ATF7IP: variants seen among roughly 807,000 people sequenced by gnomAD.
The protein encoded by ATF7IP is activating transcription factor 7-interacting protein 1.
ATF7IP carries 23 observed loss-of-function variants against 106.4 expected under a neutral mutation model. The observed-to-expected ratio is 0.22, with a 90% CI of 0.16 to 0.31. ATF7IP has a LOEUF of 0.31. Among genes scored for constraint, ATF7IP ranks in the 10% least tolerant of loss-of-function variants. The pLI, the probability that ATF7IP is intolerant of heterozygous loss-of-function variation, is 1.00. For synonymous variants in ATF7IP, 542 were observed against 539.0 expected, an observed-to-expected ratio of 1.01 and a Z score of -0.08; for missense variants, 1,334 against 1,524.3, an observed-to-expected ratio of 0.88 and a Z score of 2.08.
intron 1 of ATF7IP, among the ~76,000 whole-genome samples, chr12:14,373,300 T>C (rs1217972670): frequency 8.0e-6 from 1 of 124,396 alleles, no homozygotes; most frequent in African/African-American, 2.6e-5. Flanking sequence ...TGTTTAAAGA[T>C]GACACATGTT....
chr12:14,423,390 T>A (rs1941638699), intron 1 of ATF7IP, among the ~76,000 whole-genome samples: 1 of 152,044 alleles, frequency 6.6e-6, no homozygotes, highest in Non-Finnish European at 1.5e-5. Context: ...GTGAATTTTC[T>A]TTCTTGATGG....
intron 1 of ATF7IP, among the ~76,000 whole-genome samples, chr12:14,368,273 A>G (rs1314168506): frequency 1.3e-5 from 2 of 152,078 alleles, no homozygotes; most frequent in Non-Finnish European, 2.9e-5. Flanking sequence ...CATTGGTACC[A>G]TAATTTCATT....
At chr12:14,383,354 C>T (rs747694848) in intron 1 of ATF7IP, among the ~76,000 whole-genome samples, 6 of 152,102 alleles carry the variant, frequency 3.9e-5, no homozygotes, top group Non-Finnish European at 8.8e-5. Flanking sequence ...CAGTGTGTTC[C>T]ATAATTTAAA....
chr12:14,497,633 C>T, intron 14 of ATF7IP, 21 bp from the exon 15 acceptor site: 1 of 1,591,414 alleles, frequency 6.3e-7, no homozygotes, highest in Non-Finnish European at 8.6e-7. Flanking sequence ...CATCATTAAT[C>T]AGTGTGACCT....
intron 6 of ATF7IP, among the ~76,000 whole-genome samples, chr12:14,454,172 C>T (rs1943328345): frequency 6.6e-6 from 1 of 152,062 alleles, no homozygotes; most frequent in Non-Finnish European, 1.5e-5. Flanking sequence ...CCTCTAACAC[C>T]TTTTTTTGGC....
intron 6 of ATF7IP, among the ~76,000 whole-genome samples, chr12:14,454,833 CTT>C (rs1267167037): frequency 6.6e-6 from 1 of 152,102 alleles, no homozygotes; most frequent in Non-Finnish European, 1.5e-5. Context: ...TTTTATTCTT[CTT>C]GTTTTTCTCC....
chr12:14,486,673 C>G (rs1944627913), intron 13 of ATF7IP, among the ~76,000 whole-genome samples: 1 of 152,198 alleles, frequency 6.6e-6, no homozygotes. Flanking sequence ...GAGCTCTATA[C>G]AAGTCGGACT....
At chr12:14,449,644 T>C (rs1448480536) in intron 6 of ATF7IP, among the ~76,000 whole-genome samples, 1 of 146,562 alleles carries the variant, frequency 6.8e-6, no homozygotes, top group Admixed American at 7.1e-5. Flanking sequence ...CCTCCAACTT[T>C]GTTCTTTTCA....
intron 1 of ATF7IP, among the ~76,000 whole-genome samples, chr12:14,388,806 A>T (rs185763859): frequency 6.6e-6 from 1 of 152,090 alleles, no homozygotes; most frequent in Non-Finnish European, 1.5e-5. Context: ...CACCAAGCTA[A>T]TTTTTGTGTT....
intron 13 of ATF7IP, among the ~76,000 whole-genome samples, chr12:14,491,151 C>G (rs1944807391): frequency 6.6e-6 from 1 of 152,166 alleles, no homozygotes; most frequent in Non-Finnish European, 1.5e-5. Flanking sequence ...AGTGGCAGAA[C>G]AGCTTGCCCA....
chr12:14,405,048 C>A (rs1940482797), intron 1 of ATF7IP, among the ~76,000 whole-genome samples: 1 of 152,016 alleles, frequency 6.6e-6, no homozygotes, highest in Admixed American at 6.6e-5. Flanking sequence ...CAGACATTTG[C>A]CAGAAACAAG....
intron 2 of ATF7IP, among the ~76,000 whole-genome samples, chr12:14,426,375 T>A (rs576920608): frequency 6.6e-6 from 1 of 152,066 alleles, no homozygotes; most frequent in Admixed American, 6.5e-5. Context: ...GATTTAGACA[T>A]CTCTGAGAGA....
At chr12:14,393,709 ACTT>A (rs1939696165) in intron 1 of ATF7IP, among the ~76,000 whole-genome samples, 1 of 152,142 alleles carries the variant, frequency 6.6e-6, no homozygotes, top group Admixed American at 6.5e-5. Flanking sequence ...CATTTTAAGT[ACTT>A]CTTTTCATTT....
intron 1 of ATF7IP, chr12:14,420,000 A>G (rs925486255): frequency 2.0e-5 from 3 of 152,242 alleles, no homozygotes; most frequent in Non-Finnish European, 2.9e-5. Flanking sequence ...GCTTCCAGCA[A>G]GTAGGCTAGG....
intron 13 of ATF7IP, among the ~76,000 whole-genome samples, chr12:14,484,497 G>T (rs911701611): frequency 3.3e-5 from 5 of 152,216 alleles, no homozygotes; most frequent in Non-Finnish European, 2.9e-5. Context: ...GCACAACTAG[G>T]TGTGCTGCTT....
At chr12:14,437,803 C>T (rs547233281) in intron 4 of ATF7IP, among the ~76,000 whole-genome samples, 1 of 152,260 alleles carries the variant, frequency 6.6e-6, no homozygotes, top group East Asian at 1.9e-4. Flanking sequence ...CCTGTAATCC[C>T]AGCACTTTGG....
At chr12:14,455,496 A>G (rs938425482) in intron 6 of ATF7IP, among the ~76,000 whole-genome samples, 1 of 152,188 alleles carries the variant, frequency 6.6e-6, no homozygotes, top group Non-Finnish European at 1.5e-5. Context: ...CATCTGCTCA[A>G]TGTAATTCTA....
At chr12:14,484,030 G>C (rs564453858) in intron 13 of ATF7IP, among the ~76,000 whole-genome samples, 156 of 152,230 alleles carry the variant, frequency 1.0e-3, no homozygotes, top group African/African-American at 3.6e-3. Flanking sequence ...GTCTATTCCA[G>C]GGAGGACAAA....
intron 1 of ATF7IP, among the ~76,000 whole-genome samples, chr12:14,405,645 G>C (rs561683049): frequency 6.6e-6 from 1 of 151,916 alleles, no homozygotes; most frequent in South Asian, 2.1e-4. Flanking sequence ...TTGAACTTCT[G>C]GTGCCTCAAG....
Sources: allele counts gnomAD v4.1 joint callset (sites outside exome capture counted in the v4.1 genomes callset), GRCh38; gene constraint gnomAD v4.1.1; transcripts MANE v1.5; gene names NCBI Gene and HGNC (gene_info 2026-07-23, HGNC 2026-07-21).